ZHX3: variants seen among roughly 807,000 people sequenced by gnomAD.
ZHX3 encodes the protein zinc fingers and homeoboxes protein 3.
Under a neutral mutation model 64.5 loss-of-function variants are expected in ZHX3, and 20 were observed. The ratio of observed to expected loss-of-function variants is 0.31; its 90% CI spans 0.22 to 0.45. ZHX3 has a LOEUF of 0.45. Among genes scored for constraint, ZHX3 ranks in the 20% least tolerant of loss-of-function variants. The pLI, the probability that ZHX3 is intolerant of heterozygous loss-of-function variation, is 1.00. For synonymous variants in ZHX3, 423 were observed against 461.6 expected (o/e 0.92, Z 1.07); for missense variants, 1,041 against 1,195.8 (o/e 0.87, Z 1.91).
chr20:41,279,154 T>C (rs1024764117), intron 1 of ZHX3, among the ~76,000 whole-genome samples: 1 of 152,184 alleles, frequency 6.6e-6, no homozygotes, highest in Non-Finnish European at 1.5e-5. Flanking sequence ...CTGCCAGAAT[T>C]TGAATCCTGG....
chr20:41,181,972 G>T lies in ZHX3; in HGVS notation c.*3219C>A, dbSNP rs981199195. 1 of 152,044 alleles carries T rather than the reference G, an allele frequency of 6.6e-6. No individual in the cohort carries two copies. Among genetic ancestry groups the T allele is most frequent in the Admixed American group, 6.5e-5 (1 of 15,272 alleles). The allele number at this position is 152,044 out of a possible 1,614,324, so 9.4% of individuals were successfully genotyped here. On this transcript the variant is annotated 3_prime_UTR_variant, in exon 4 of 4. Coordinates refer to ENST00000683867, the MANE Select transcript of ZHX3 (RefSeq NM_001384317.1). Reference sequence around the variant, plus strand: ...TGTACAATCACTACCAAACCCCAAGGCCCTGGCAAGCCATCCAACTAGGGC... The same window carrying T: ...TGTACAATCACTACCAAACCCCAAGTCCCTGGCAAGCCATCCAACTAGGGC...
intron 1 of ZHX3, among the ~76,000 whole-genome samples, chr20:41,305,735 G>A (rs1600675618): frequency 6.6e-6 from 1 of 152,098 alleles, no homozygotes; most frequent in East Asian, 1.9e-4. Context: ...AGTGAGCCGA[G>A]ATCGCGCCAC....
At position 41,203,642 on chromosome 20, in the gene ZHX3, A is replaced by T; in HGVS notation, c.1275T>A (p.Leu425=). The change falls in exon 3 of 4, where the codon CTT becomes CTA. Residue 425 remains leucine, a synonymous_variant. Coordinates refer to ENST00000683867, the MANE Select transcript of ZHX3 (RefSeq NM_001384317.1). The surrounding 1 kb of genome is among the most constrained non-coding windows in gnomAD (Gnocchi z 7.1). ...VGQPEGTGGG[L]LVTQPLMANG... is the part of the protein sequence containing the mutation. ...TGGCCATCAATGGCTGAGTGACCAG[A>T]AGTCCCCCTCCTGTACCCTCTGGCT... 1.2e-6 allele frequency: 2 copies of T among 1,614,200 alleles called. No homozygotes were observed. Among genetic ancestry groups the T allele is most frequent in the Non-Finnish European group, 1.7e-6 (2 of 1,180,036 alleles).
chr20:41,289,617 C>G (rs4812489), intron 1 of ZHX3, among the ~76,000 whole-genome samples: 88,021 of 151,830 alleles, frequency 0.58, 26,831 homozygotes, highest in East Asian at 0.82. Context: ...ACTAATAAAA[C>G]GTTTGGCTAT....
intron 2 of ZHX3, among the ~76,000 whole-genome samples, chr20:41,257,394 T>C (rs1378103902): frequency 6.6e-6 from 1 of 152,158 alleles, no homozygotes; most frequent in Non-Finnish European, 1.5e-5. Context: ...TAAAAAGGTC[T>C]AGGAAATTAA....
Position 41,231,357 on chromosome 20 carries a change from T to C in ZHX3, c.-150-26291A>G, listed in dbSNP as rs536497882. 2.6e-5 allele frequency among the ~76,000 whole-genome samples: 4 copies of C among 152,308 alleles called. No individual in the cohort carries two copies. In the South Asian group the frequency reaches 8.3e-4, roughly 32 times the overall value. ...TCCAGTCACTCAAGTCCAAGCCTGG[T>C]TGTACTTGGTTTGCTGCAACCTAAA... On this transcript the variant is annotated intron_variant, in intron 2 of 3. Coordinates refer to ENST00000683867, the MANE Select transcript of ZHX3 (RefSeq NM_001384317.1).
intron 1 of ZHX3, among the ~76,000 whole-genome samples, chr20:41,308,274 C>T (rs544709626): frequency 3.3e-5 from 5 of 152,308 alleles, no homozygotes; most frequent in African/African-American, 9.6e-5. Context: ...TAATCCTCCA[C>T]GGCCACATTT....
intron 2 of ZHX3, among the ~76,000 whole-genome samples, chr20:41,248,961 T>A (rs1310073180): frequency 1.3e-5 from 2 of 152,232 alleles, no homozygotes; most frequent in African/African-American, 4.8e-5. Flanking sequence ...TTCCTGTGTG[T>A]CACAGCCAAT....
At chr20:41,278,921 C>T (rs2043526958) in intron 1 of ZHX3, among the ~76,000 whole-genome samples, 2 of 151,514 alleles carry the variant, frequency 1.3e-5, no homozygotes, top group Admixed American at 6.6e-5. Context: ...TACAGGTGCC[C>T]GCCACCACGC....
chr20:41,236,346 C>T (rs976858634), intron 2 of ZHX3, among the ~76,000 whole-genome samples: 5 of 152,202 alleles, frequency 3.3e-5, no homozygotes, highest in African/African-American at 1.2e-4. Flanking sequence ...AAGCTGGAGG[C>T]ATCATGCTAC....
intron 3 of ZHX3, among the ~76,000 whole-genome samples, chr20:41,186,311 C>T (rs1285575418): frequency 1.3e-5 from 2 of 152,186 alleles, no homozygotes; most frequent in African/African-American, 4.8e-5. Context: ...AAGGTCCATC[C>T]ATGTTGTAGG....
intron 1 of ZHX3, among the ~76,000 whole-genome samples, chr20:41,282,334 C>CT (rs1176305709): frequency 1.5e-5 from 2 of 136,002 alleles, no homozygotes; most frequent in South Asian, 2.3e-4. Flanking sequence ...GAAGTAATGT[C>CT]TTAGAGGTCC....
chr20:41,223,771 T>A (rs989155836), intron 2 of ZHX3, among the ~76,000 whole-genome samples: 1 of 152,216 alleles, frequency 6.6e-6, no homozygotes, highest in Non-Finnish European at 1.5e-5. Context: ...GGAAAAAATG[T>A]TAGCATATTT....
chr20:41,236,370 A>G (rs918862329), intron 2 of ZHX3, among the ~76,000 whole-genome samples: 1 of 152,220 alleles, frequency 6.6e-6, no homozygotes, highest in East Asian at 1.9e-4. Context: ...ACTTCAAACT[A>G]TACTACAAGG....
At chr20:41,311,097 C>G (rs1270579884) in intron 1 of ZHX3, among the ~76,000 whole-genome samples, 1 of 152,050 alleles carries the variant, frequency 6.6e-6, no homozygotes, top group Admixed American at 6.6e-5. Context: ...CGTGAGCCAC[C>G]GTGCCCGGCC....
intron 1 of ZHX3, among the ~76,000 whole-genome samples, chr20:41,279,982 C>T (rs371062920): frequency 1.3e-5 from 2 of 152,234 alleles, no homozygotes; most frequent in African/African-American, 4.8e-5. Flanking sequence ...CTCAGAAAGG[C>T]TAAGGTGTGA....
In ZHX3 at chr20:41,202,528, T is replaced by C. The variant is rs752996581; in HGVS notation, c.2389A>G (p.Ile797Val). Residue 797 changes from isoleucine to valine, a missense_variant, in exon 3 of 4, where the codon ATC (isoleucine) becomes GTC (valine). Around this residue, in one of 4 missense-constraint regions of ZHX3, gnomAD observed 649 missense variants for 739.8 expected, o/e 0.88. Coordinates refer to ENST00000683867, the MANE Select transcript of ZHX3 (RefSeq NM_001384317.1). The surrounding 1 kb of genome is among the most constrained non-coding windows in gnomAD (Gnocchi z 7.0). The part of the protein sequence containing the change: ...QWPSNQDYDS[I>V]MAQTGLPRPE... The stretch of plus-strand genomic sequence containing the variant: ...CGTGGCAGACCCGTCTGGGCCATGA[T>C]GGAGTCATAGTCCTGGTTGCTTGGC... The C allele has an allele frequency of 1.2e-6, 2 of 1,614,200 alleles. No homozygotes were observed. The highest frequency in any genetic ancestry group is 2.2e-5 in the East Asian group (1 of 44,860).
chr20:41,279,429 T>G (rs1600609961), intron 1 of ZHX3, among the ~76,000 whole-genome samples: 1 of 152,234 alleles, frequency 6.6e-6, no homozygotes, highest in Admixed American at 6.5e-5. Context: ...TTTTTTTAAC[T>G]AACAGAATGA....
chr20:41,310,867 G>A (rs377108594), intron 1 of ZHX3, among the ~76,000 whole-genome samples: 30 of 140,262 alleles, frequency 2.1e-4, no homozygotes, highest in African/African-American at 7.9e-4. Flanking sequence ...GGAGTGCAGT[G>A]GCGTGATCTC....
Sources: gnomAD v4.1 joint callset for allele counts (sites outside exome capture counted in the v4.1 genomes callset) on GRCh38, gnomAD v4.1.1 for gene constraint, gnomAD v4.1.1 regional missense constraint, Gnocchi (gnomAD v3.1) non-coding constraint, MANE v1.5 for transcripts, NCBI Gene and HGNC (gene_info 2026-07-23, HGNC 2026-07-21) for gene names.